BLTP3A: variants seen among roughly 807,000 people sequenced by gnomAD.
BLTP3A encodes bridge-like lipid transfer protein family member 3A.
chr6:34,863,934 T>G, the BLTP3A span: 2 of 1,436,640 alleles, frequency 1.4e-6, no homozygotes, highest in Non-Finnish European at 1.9e-6. Context: ...GGATGGGTAT[T>G]GTAAGTGGAT....
At chr6:34,837,960 C>T in the BLTP3A span, among the ~76,000 whole-genome samples, 1 of 152,144 alleles carries the variant, frequency 6.6e-6, no homozygotes, top group Non-Finnish European at 1.5e-5. Flanking sequence ...TTCAGAGTTT[C>T]ATCCTGTCGC....
the BLTP3A span, among the ~76,000 whole-genome samples, chr6:34,838,830 G>A: frequency 6.6e-6 from 1 of 152,198 alleles, no homozygotes; most frequent in Non-Finnish European, 1.5e-5. Context: ...CGTAGTCCCA[G>A]CCACTCAGAC....
At chr6:34,864,130 G>A in the BLTP3A span, 1 of 1,614,170 alleles carries the variant, frequency 6.2e-7, no homozygotes, top group Non-Finnish European at 8.5e-7. Flanking sequence ...TTGGATAGCA[G>A]TGGCCCTGAA....
chr6:34,853,607 C>T, the BLTP3A span, among the ~76,000 whole-genome samples: 1 of 152,006 alleles, frequency 6.6e-6, no homozygotes, highest in Non-Finnish European at 1.5e-5. Flanking sequence ...GTCACCTAGG[C>T]TGGAGTGCAA....
the BLTP3A span, among the ~76,000 whole-genome samples, chr6:34,838,426 G>T: frequency 2.0e-5 from 3 of 152,148 alleles, no homozygotes; most frequent in African/African-American, 7.2e-5. Context: ...ATCAAATCCT[G>T]TTTCAAGCTT....
the BLTP3A span, chr6:34,867,123 A>G: frequency 1.5e-5 from 19 of 1,268,938 alleles, no homozygotes; most frequent in Admixed American, 1.6e-4. Flanking sequence ...CATGAATGTC[A>G]TAAGTATTTT....
chr6:34,858,652 G>A, the BLTP3A span: 1 of 1,614,190 alleles, frequency 6.2e-7, no homozygotes, highest in South Asian at 1.1e-5. Flanking sequence ...TGAGGCTCTT[G>A]CCCCTGACTC....
chr6:34,814,241 C>A, the BLTP3A span, among the ~76,000 whole-genome samples: 2 of 152,140 alleles, frequency 1.3e-5, no homozygotes, highest in Admixed American at 6.5e-5. Context: ...TCTCAAACTC[C>A]TAGGCTCAAA....
At chr6:34,872,038 G>T in the BLTP3A span, 1 of 1,066,138 alleles carries the variant, frequency 9.4e-7, no homozygotes, top group Non-Finnish European at 1.4e-6. Context: ...CTGCATGTGG[G>T]TGTTTTGGGT....
chr6:34,841,002 GTTTTGTTTTGTTT>G, the BLTP3A span, among the ~76,000 whole-genome samples: 1 of 151,998 alleles, frequency 6.6e-6, no homozygotes, highest in Non-Finnish European at 1.5e-5. Flanking sequence ...TGTTGCTTTT[GTTTTGTTTTGTTT>G]TACAGTAGAG....
the BLTP3A span, among the ~76,000 whole-genome samples, chr6:34,868,383 C>G: frequency 2.6e-4 from 40 of 151,886 alleles, 1 homozygote; most frequent in African/African-American, 9.7e-4. Context: ...CGCTGGGAAG[C>G]TGAGGTGGGA....
chr6:34,869,707 G>A, the BLTP3A span, among the ~76,000 whole-genome samples: 11 of 135,236 alleles, frequency 8.1e-5, no homozygotes, highest in Non-Finnish European at 1.7e-4. Context: ...CCGGAGTGCA[G>A]TGGTTGCAAT....
At chr6:34,799,329 A>C in the BLTP3A span, among the ~76,000 whole-genome samples, 1 of 152,140 alleles carries the variant, frequency 6.6e-6, no homozygotes. Context: ...TATTAAACAA[A>C]TGAAAATTTA....
At chr6:34,852,641 G>C in the BLTP3A span, among the ~76,000 whole-genome samples, 1 of 151,772 alleles carries the variant, frequency 6.6e-6, no homozygotes, top group African/African-American at 2.4e-5. Context: ...GGTTGGGGGA[G>C]GGGTGATGCA....
At chr6:34,839,288 A>G in the BLTP3A span, among the ~76,000 whole-genome samples, 1 of 152,200 alleles carries the variant, frequency 6.6e-6, no homozygotes, top group African/African-American at 2.4e-5. Context: ...TTCTCAGCCT[A>G]CCATACCCGG....
chr6:34,803,945 A>C, the BLTP3A span, among the ~76,000 whole-genome samples: 1 of 152,042 alleles, frequency 6.6e-6, no homozygotes, highest in Non-Finnish European at 1.5e-5. Flanking sequence ...TCTTTCTTTA[A>C]ACTTGGATGA....
At chr6:34,793,323 C>T in the BLTP3A span, among the ~76,000 whole-genome samples, 1 of 152,096 alleles carries the variant, frequency 6.6e-6, no homozygotes, top group Non-Finnish European at 1.5e-5. Flanking sequence ...CCTTAACCAG[C>T]CTTTGTATCT....
chr6:34,830,505 G>T, the BLTP3A span, among the ~76,000 whole-genome samples: 1 of 151,894 alleles, frequency 6.6e-6, no homozygotes, highest in East Asian at 1.9e-4. Context: ...CAGGAGAATT[G>T]CTTGAACCTG....
the BLTP3A span, among the ~76,000 whole-genome samples, chr6:34,839,331 C>T: frequency 1.7e-5 from 2 of 118,338 alleles, no homozygotes; most frequent in African/African-American, 9.1e-5. Flanking sequence ...AGGGAGAGTT[C>T]TTGTAACTCT....
Sources: gnomAD v4.1 joint callset for allele counts (sites outside exome capture counted in the v4.1 genomes callset) on GRCh38, gnomAD v4.1.1 for gene constraint, MANE v1.5 for transcripts, NCBI Gene and HGNC (gene_info 2026-07-23, HGNC 2026-07-21) for gene names.